The following TBC1D8 variants were observed in gnomAD, a reference collection of about 807,000 sequenced individuals.
TBC1D8 encodes TBC1 domain family member 8.
TBC1D8 carries 65 observed loss-of-function variants against 118.8 expected under a neutral mutation model. That is an observed-to-expected ratio of 0.55 (90% CI 0.45 to 0.67). TBC1D8 has a LOEUF of 0.67. Ranked by LOEUF, TBC1D8 falls within the 30% of genes least tolerant of loss-of-function variation. The pLI is 0.00. For synonymous variants in TBC1D8, 566 were observed against 595.8 expected, an observed-to-expected ratio of 0.95 and a Z score of 0.73; for missense variants, 1,376 against 1,471.2, an observed-to-expected ratio of 0.94 and a Z score of 1.06.
At chr2:101,100,680 C>A (rs1236158351) in intron 1 of TBC1D8, among the ~76,000 whole-genome samples, 2 of 152,056 alleles carry the variant, frequency 1.3e-5, no homozygotes, top group African/African-American at 4.8e-5. Context: ...GGTACTGGTA[C>A]CAAAACAGGC....
At chr2:101,054,654 A>G (rs1394114206) in intron 3 of TBC1D8, among the ~76,000 whole-genome samples, 4 of 53,862 alleles carry the variant, frequency 7.4e-5, no homozygotes, top group Non-Finnish European at 1.2e-4. Context: ...CAAACAAACA[A>G]TCATTTTCTT....
rs1681090677 is a variant in TBC1D8 at position 101,037,540 on chromosome 2, A to G, written c.1444T>C (p.Ser482Pro). ...CACCAGGCGTCACCCACCATTCGGG[A>G]GTCAGGGCTCTGGCTGCCTGACTGC... ...FQQSGSQSPD[S>P]RMSREQIKIS... The change falls in exon 8 of 20, where the codon TCC (serine) becomes CCC (proline). Residue 482 changes from serine to proline, a missense_variant. Transcript: ENST00000409318. The G allele has an allele frequency of 1.2e-6, 2 of 1,612,288 alleles. No individual in the cohort carries two copies. Among genetic ancestry groups the G allele is most frequent in the Non-Finnish European group, 1.7e-6 (2 of 1,179,842 alleles).
intron 2 of TBC1D8, among the ~76,000 whole-genome samples, chr2:101,085,889 C>G (rs1447155014): frequency 1.3e-5 from 2 of 152,224 alleles, no homozygotes; most frequent in East Asian, 3.9e-4. Context: ...CGCCTGTAAC[C>G]TCAGCACTTT....
At chr2:101,076,499 A>C (rs907441301) in intron 2 of TBC1D8, among the ~76,000 whole-genome samples, 1 of 152,244 alleles carries the variant, frequency 6.6e-6, no homozygotes, top group Admixed American at 6.5e-5. Flanking sequence ...CCTACATTCA[A>C]TTAAACCTTT....
chr2:101,053,813 T>C (rs78168557), intron 4 of TBC1D8, among the ~76,000 whole-genome samples: 1,592 of 152,334 alleles, frequency 0.01, 36 homozygotes, highest in African/African-American at 0.036. Context: ...TTGAGAAATA[T>C]TAAGCCATCA....
At chr2:101,013,563 C>G (rs901313817) in intron 17 of TBC1D8, among the ~76,000 whole-genome samples, 3 of 152,208 alleles carry the variant, frequency 2.0e-5, no homozygotes, top group African/African-American at 7.2e-5. Flanking sequence ...TCTCAGACTT[C>G]TGTTTGAAGG....
At chr2:101,060,249 A>G (rs1268098996) in intron 2 of TBC1D8, among the ~76,000 whole-genome samples, 1 of 152,232 alleles carries the variant, frequency 6.6e-6, no homozygotes, top group Non-Finnish European at 1.5e-5. Context: ...GCAGCCTTGC[A>G]AAGTTCTCCC....
chr2:101,090,347 G>C lies in TBC1D8; in HGVS notation c.145C>G (p.Leu49Val), dbSNP rs374624320. Reference protein sequence around the residue: ...GRLTGRLVGALDAVLDSNARV... With the variant: ...GRLTGRLVGAVDAVLDSNARV... ...GCATTGGAATCCAACACTGCATCCA[G>C]AGCGCCGACCAGGCGACCTTCAAAA... Residue 49 changes from leucine (L) to valine (V), a missense_variant, in exon 2 of 20, where the codon CTG (leucine) becomes GTG (valine). By Grantham distance (32) the Leu-to-Val change is conservative. Transcript: ENST00000409318. The C allele has an allele frequency of 1.2e-6, 2 of 1,613,908 alleles. No individual in the cohort carries two copies. The highest frequency in any genetic ancestry group is 2.7e-5 in the African/African-American group (2 of 74,938).
At chr2:101,093,991 T>A (rs1296849371) in intron 1 of TBC1D8, among the ~76,000 whole-genome samples, 2 of 152,100 alleles carry the variant, frequency 1.3e-5, no homozygotes, top group Non-Finnish European at 2.9e-5. Flanking sequence ...CCACCATGCC[T>A]GGCTGATTCT....
At chr2:101,098,035 C>G (rs193167607) in intron 1 of TBC1D8, among the ~76,000 whole-genome samples, 1 of 152,178 alleles carries the variant, frequency 6.6e-6, no homozygotes, top group Non-Finnish European at 1.5e-5. Flanking sequence ...GAATCATTTA[C>G]TTAATTAAAT....
At chr2:101,133,887 G>A (rs886784994) in intron 1 of TBC1D8, among the ~76,000 whole-genome samples, 5 of 152,150 alleles carry the variant, frequency 3.3e-5, no homozygotes, top group African/African-American at 9.7e-5. Context: ...AGCAGGCACC[G>A]CCTTCACAAG....
At chr2:101,101,074 C>T (rs1478156265) in intron 1 of TBC1D8, among the ~76,000 whole-genome samples, 1 of 152,138 alleles carries the variant, frequency 6.6e-6, no homozygotes, top group African/African-American at 2.4e-5. Context: ...AGATCTTCTG[C>T]ACAGCAAAAG....
At chr2:101,139,413 C>T (rs1056708423) in intron 1 of TBC1D8, among the ~76,000 whole-genome samples, 1 of 152,168 alleles carries the variant, frequency 6.6e-6, no homozygotes, top group Non-Finnish European at 1.5e-5. Context: ...AGTCTCCAGC[C>T]CGCTCCCACG....
intron 1 of TBC1D8, among the ~76,000 whole-genome samples, chr2:101,128,783 C>T (rs1678461239): frequency 6.6e-6 from 1 of 152,138 alleles, no homozygotes; most frequent in African/African-American, 2.4e-5. Context: ...CCCTGAGAAT[C>T]TTGAGAACCT....
chr2:101,026,392 G>A (rs1680336414), intron 15 of TBC1D8, among the ~76,000 whole-genome samples: 1 of 152,224 alleles, frequency 6.6e-6, no homozygotes, highest in Non-Finnish European at 1.5e-5. Flanking sequence ...CAAACATGAT[G>A]TGTACGGGAG....
At chr2:101,042,364 T>G (rs1490928114) in intron 5 of TBC1D8, among the ~76,000 whole-genome samples, 1 of 152,142 alleles carries the variant, frequency 6.6e-6, no homozygotes, top group Non-Finnish European at 1.5e-5. Context: ...CTCTTGCACT[T>G]TATAAAGTTC....
At chr2:101,055,211 G>A (rs892718423) in intron 3 of TBC1D8, among the ~76,000 whole-genome samples, 9 of 151,588 alleles carry the variant, frequency 5.9e-5, no homozygotes, top group East Asian at 2.0e-4. Context: ...CCAACATGGT[G>A]AAACCCCATC....
chr2:101,129,904 C>CAA (rs762607316), intron 1 of TBC1D8, among the ~76,000 whole-genome samples: 1,443 of 124,118 alleles, frequency 0.012, 24 homozygotes, highest in African/African-American at 0.036. Context: ...GACTCTGTCT[C>CAA]AAAAAAAAAA....
At position 101,021,753 on chromosome 2, in the gene TBC1D8, A is replaced by G. The variant is rs1680042055; in HGVS notation, c.2762-7T>C. On this transcript the variant is annotated splice_polypyrimidine_tract_variant and splice_region_variant and intron_variant, in intron 16 of 19. Transcript: ENST00000409318. ...TCTCCATTATACATAATATCTGCAA[A>G]AAGTTTAAAAAGAGTGAGTTGATGC... 1.3e-6 allele frequency: 2 copies of G among 1,528,976 alleles called. No homozygotes were observed. The highest frequency in any genetic ancestry group is 2.3e-5 in the East Asian group (1 of 43,086). The allele number at this position is 1,528,976 out of a possible 1,614,324, so 94.7% of individuals were successfully genotyped here.
Sources: gnomAD v4.1 joint callset for allele counts (sites outside exome capture counted in the v4.1 genomes callset) on GRCh38, gnomAD v4.1.1 for gene constraint, MANE v1.5 for transcripts, NCBI Gene and HGNC (gene_info 2026-07-23, HGNC 2026-07-21) for gene names.